BRD8: variants seen among roughly 807,000 people sequenced by gnomAD.
BRD8 encodes bromodomain-containing protein 8.
In BRD8, 67 loss-of-function variants were observed where a neutral mutation model predicts 143.1. The ratio of observed to expected loss-of-function variants is 0.47; its 90% CI spans 0.38 to 0.57. The LOEUF is 0.57. Ranked by LOEUF, BRD8 falls within the 20% of genes least tolerant of loss-of-function variation. BRD8 has a pLI of 0.00. For missense variants in BRD8, 1,103 were observed against 1,503.0 expected, an observed-to-expected ratio of 0.73 and a Z score of 4.40; for synonymous variants, 505 against 517.1, an observed-to-expected ratio of 0.98 and a Z score of 0.32.
chr5:138,158,634 G>T (rs112490302), intron 20 of BRD8, among the ~76,000 whole-genome samples: 1 of 151,140 alleles, frequency 6.6e-6, no homozygotes, highest in East Asian at 1.9e-4. Flanking sequence ...GTAGAGACGG[G>T]GTTTTTACAT....
chr5:138,145,370 A>C, intron 24 of BRD8, 125 bp from the exon 25 acceptor site: 1 of 744,042 alleles, frequency 1.3e-6, no homozygotes, highest in Non-Finnish European at 2.2e-6. Context: ...ATTAGGAAAA[A>C]ATCTATTTGT....
Position 138,173,542 on chromosome 5 carries a change from TACAC to T in BRD8, c.117-1412_117-1409del, listed in dbSNP as rs147012738. On this transcript the variant is annotated intron_variant, in intron 2 of 26. Transcript: ENST00000254900. Reference sequence around the variant, plus strand: ...CATATACAAATATATGTGATGTGTATACACACACACACACACACATACAAAACAC... The same window carrying T: ...CATATACAAATATATGTGATGTGTATACACACACACACACATACAAAACAC... Among the ~76,000 whole-genome samples the T allele has an allele frequency of 7.7e-4, 116 of 150,944 alleles. 1 individual carries two copies. The highest frequency in any genetic ancestry group is 2.6e-3 in the African/African-American group (108 of 41,262).
intron 2 of BRD8, 161 bp downstream of exon 2, chr5:138,177,410 T>C: frequency 2.0e-6 from 1 of 512,206 alleles, no homozygotes; most frequent in Non-Finnish European, 3.5e-6. Flanking sequence ...ACCACTGCAC[T>C]CCAGCCTGGG....
chr5:138,149,254 G>C (rs1391750828), intron 23 of BRD8, among the ~76,000 whole-genome samples: 2 of 151,842 alleles, frequency 1.3e-5, no homozygotes, highest in African/African-American at 2.4e-5. Context: ...TGAGACTATA[G>C]ACAAGTGACA....
chr5:138,154,832 T>G (rs916866329), intron 20 of BRD8, among the ~76,000 whole-genome samples: 2 of 140,962 alleles, frequency 1.4e-5, no homozygotes, highest in Admixed American at 7.1e-5. Context: ...GTTCATAACT[T>G]TTTTTTTTTT....
chr5:138,156,606 T>C (rs1027858580), intron 20 of BRD8, among the ~76,000 whole-genome samples: 3 of 152,180 alleles, frequency 2.0e-5, no homozygotes, highest in African/African-American at 7.2e-5. Context: ...AGCAATGCCA[T>C]GAACAGAATT....
Position 138,165,867 on chromosome 5 carries a change from A to T in BRD8, c.1239T>A (p.Phe413Leu). The T allele has an allele frequency of 6.2e-7, 1 of 1,614,240 alleles. No homozygotes were observed. Among genetic ancestry groups the T allele is most frequent in the South Asian group, 1.1e-5 (1 of 91,090 alleles). Residue 413 changes from phenylalanine (F) to leucine (L), a missense_variant, in exon 11 of 27, where the codon TTT (phenylalanine) becomes TTA (leucine). Physicochemically the swap from Phe to Leu is conservative, Grantham distance 22. This residue lies in a region of BRD8 where 53 missense variants were observed against 101.4 expected (regional missense o/e 0.52). Coordinates refer to ENST00000254900, the MANE Select transcript of BRD8 (RefSeq NM_139199.2). ...AVSYTGEELD[F>L]ETVGDIIAII... The stretch of plus-strand genomic sequence containing the variant: ...TGGCAATGATGTCTCCAACAGTCTC[A>T]AAATCCAGCTCTTCACCTGTGTAAG...
At chr5:138,165,326 CAGTAACATGGGT>C (rs2151203422) in intron 11 of BRD8, among the ~76,000 whole-genome samples, 160 bp from the exon 12 acceptor site, 1 of 152,262 alleles carries the variant, frequency 6.6e-6, no homozygotes, top group African/African-American at 2.4e-5. Context: ...CTGTGCAAAC[CAGTAACATGGGT>C]AGACCTGAGG....
intron 9 of BRD8, 126 bp downstream of exon 9, chr5:138,167,806 CAA>C: frequency 1.3e-6 from 1 of 790,540 alleles, no homozygotes; most frequent in East Asian, 2.5e-5. Flanking sequence ...AAAGTAGCTC[CAA>C]AAAAAAGTTA....
Position 138,150,794 on chromosome 5 carries a change from G to A in BRD8, c.3071C>T (p.Ala1024Val), listed in dbSNP as rs891850132. ...GENGKPEVAS[A>V]PSVICTVQGL... is the part of the protein sequence containing the mutation. ...CTGAACTGTACAAATAACTGAGGGA[G>A]CTGAAGCCACCTCTGGCTTTCCATT... is the stretch of plus-strand genomic sequence containing the variant. The change falls in exon 22 of 27, where the codon GCT becomes GTT. Residue 1024 changes from alanine (A) to valine (V), a missense_variant. Physicochemically the swap from Ala to Val is moderately conservative, Grantham distance 64. Around this residue, in one of 7 missense-constraint regions of BRD8, gnomAD observed 369 missense variants for 445.5 expected, o/e 0.83. Coordinates refer to ENST00000254900, the MANE Select transcript of BRD8 (RefSeq NM_139199.2). The A allele has an allele frequency of 1.2e-6, 2 of 1,614,180 alleles. No individual in the cohort carries two copies. The highest frequency in any genetic ancestry group is 3.3e-5 in the Admixed American group (2 of 60,006).
In BRD8 at chr5:138,152,488, G is replaced by C. The variant is rs758978639; in HGVS notation, c.2850C>G (p.Leu950=). The C allele has an allele frequency of 1.6e-5, 26 of 1,613,892 alleles. No individual in the cohort carries two copies. The highest frequency in any genetic ancestry group is 4.5e-5 in the East Asian group (2 of 44,900). ...KASHQNLLHF[L]SEVAYLMEPL... is the part of the protein sequence containing the mutation. The stretch of plus-strand genomic sequence containing the variant: ...AATAAGAGCTCACTGTTACCTCAGA[G>C]AGAAAGTGGAGGAGGTTCTGGTGGC... The change falls in exon 21 of 27, where the codon CTC becomes CTG. Residue 950 remains leucine (L), a synonymous_variant. Transcript: ENST00000254900.
chr5:138,163,499 T>G (rs979303861), intron 14 of BRD8, 155 bp from the exon 15 acceptor site: 9 of 1,381,060 alleles, frequency 6.5e-6, no homozygotes, highest in Non-Finnish European at 8.8e-6. Flanking sequence ...ACCATCTACT[T>G]ACAGACACTG....
intron 20 of BRD8, among the ~76,000 whole-genome samples, chr5:138,153,450 G>A (rs1017314022): frequency 6.6e-6 from 1 of 151,830 alleles, no homozygotes; most frequent in Non-Finnish European, 1.5e-5. Context: ...TATATACTTT[G>A]AGGTTTCAAC....
At chr5:138,164,683 C>T in intron 12 of BRD8, 31 bp downstream of exon 12, 5 of 1,606,994 alleles carry the variant, frequency 3.1e-6, no homozygotes, top group Non-Finnish European at 3.4e-6. Flanking sequence ...TATAAACCTC[C>T]ATCTCCCCAG....
At chr5:138,143,459 T>C (rs1273436545) in intron 25 of BRD8, among the ~76,000 whole-genome samples, 3 of 151,838 alleles carry the variant, frequency 2.0e-5, no homozygotes. Flanking sequence ...AGCAACAGAG[T>C]GAGACCCTGT....
intron 2 of BRD8, among the ~76,000 whole-genome samples, chr5:138,175,666 C>T (rs116690839): frequency 0.018 from 2,656 of 150,222 alleles, 51 homozygotes; most frequent in African/African-American, 0.052. Flanking sequence ...ATAGTGGGAC[C>T]TCGTCTCTAC....
chr5:138,161,377 A>T (rs1752986144), intron 17 of BRD8: 1 of 297,434 alleles, frequency 3.4e-6, no homozygotes. Flanking sequence ...AGGCTCAAGC[A>T]ATCCTTGGTT....
chr5:138,166,011 A>G lies in BRD8; in HGVS notation c.1095T>C (p.Asn365=). ...MDSSEISMII[N]SIKEECFRSG... ...ATCGAAAACACTCTTCTTTGATAGA[A>G]TTGATGATCATGGATATTTCACTGC... Residue 365 remains asparagine (N), a synonymous_variant, in exon 11 of 27, where the codon AAT becomes AAC. Transcript: ENST00000254900. The G allele has an allele frequency of 1.2e-6, 2 of 1,614,230 alleles. No individual in the cohort carries two copies. Among genetic ancestry groups the G allele is most frequent in the Non-Finnish European group, 1.7e-6 (2 of 1,180,048 alleles).
intron 2 of BRD8, among the ~76,000 whole-genome samples, chr5:138,175,792 T>TACA (rs2151223223): frequency 6.6e-6 from 1 of 150,934 alleles, no homozygotes; most frequent in South Asian, 2.1e-4. Context: ...CATGTGCCTG[T>TACA]AGTCCCGGCT....
Sources: allele counts gnomAD v4.1 joint callset (sites outside exome capture counted in the v4.1 genomes callset), GRCh38; gene constraint gnomAD v4.1.1; regional missense constraint gnomAD v4.1.1; transcripts MANE v1.5; gene names NCBI Gene and HGNC (gene_info 2026-07-23, HGNC 2026-07-21).